NR6A1: variants seen among roughly 807,000 people sequenced by gnomAD.
NR6A1 encodes the protein nuclear receptor subfamily 6 group A member 1.
NR6A1 carries 7 observed loss-of-function variants against 59.1 expected under a neutral mutation model. The observed-to-expected ratio is 0.12, with a 90% CI of 0.07 to 0.22. The LOEUF (loss-of-function observed/expected upper bound fraction) is 0.22, where lower values mean the gene tolerates loss of function less well. NR6A1 is among the 10% of genes least tolerant of loss of function. NR6A1 has a pLI of 1.00. For synonymous variants in NR6A1, 243 were observed against 236.1 expected (o/e 1.03, Z -0.27); for missense variants, 468 against 611.6 (o/e 0.77, Z 2.48).
intron 2 of NR6A1, among the ~76,000 whole-genome samples, chr9:124,722,682 T>G (rs1222683843): frequency 2.0e-5 from 3 of 152,152 alleles, no homozygotes; most frequent in African/African-American, 7.2e-5. Flanking sequence ...CTCTCCTTGG[T>G]GGGCATCTAC....
intron 2 of NR6A1, among the ~76,000 whole-genome samples, chr9:124,672,523 G>C (rs545343243): frequency 2.0e-5 from 3 of 152,150 alleles, no homozygotes; most frequent in African/African-American, 7.2e-5. Flanking sequence ...GCTGAGGCAG[G>C]AGAATCGCTT....
chr9:124,557,603 T>C (rs1833966062), intron 2 of NR6A1, among the ~76,000 whole-genome samples: 1 of 152,156 alleles, frequency 6.6e-6, no homozygotes, highest in African/African-American at 2.4e-5. Flanking sequence ...AAGCTCAAGG[T>C]AAACACTACA....
Position 124,590,920 on chromosome 9 carries a change from C to T in NR6A1, c.143-36350G>A, listed in dbSNP as rs1014824289. ...TAAAGCCCATCCCCCTCTCCATTTT[C>T]TTCCAATCAACAGAACTGTAAAAGA... On this transcript the variant is annotated intron_variant, in intron 2 of 9. Coordinates refer to ENST00000487099, the MANE Select transcript of NR6A1 (RefSeq NM_033334.4). Among the ~76,000 whole-genome samples, 3 of 152,196 alleles carry T rather than the reference C, an allele frequency of 2.0e-5. No individual in the cohort carries two copies. The East Asian group carries it at 5.8e-4, about 29-fold the overall frequency.
intron 1 of NR6A1, among the ~76,000 whole-genome samples, chr9:124,768,675 T>C (rs1010894719): frequency 3.9e-5 from 6 of 152,224 alleles, no homozygotes; most frequent in Non-Finnish European, 8.8e-5. Flanking sequence ...TTCAAATGGT[T>C]CTGACCAATT....
chr9:124,535,785 G>A (rs1833243905), intron 7 of NR6A1, 93 bp downstream of exon 7: 2 of 1,472,736 alleles, frequency 1.4e-6, no homozygotes, highest in Non-Finnish European at 9.3e-7. Flanking sequence ...ATGAGGTGTA[G>A]TGCCTATCCT....
At chr9:124,559,714 T>G (rs1245733338) in intron 2 of NR6A1, among the ~76,000 whole-genome samples, 2 of 152,072 alleles carry the variant, frequency 1.3e-5, no homozygotes, top group African/African-American at 2.4e-5. Flanking sequence ...AACACAGAGG[T>G]TGCAGTGAGC....
intron 2 of NR6A1, among the ~76,000 whole-genome samples, chr9:124,689,421 A>G (rs1838452215): frequency 6.7e-6 from 1 of 150,300 alleles, no homozygotes; most frequent in Non-Finnish European, 1.5e-5. Context: ...AGGGAAAAAA[A>G]GCAAGAAGGC....
intron 6 of NR6A1, among the ~76,000 whole-genome samples, chr9:124,537,456 A>G (rs936896421): frequency 2.0e-5 from 3 of 152,120 alleles, no homozygotes; most frequent in African/African-American, 7.2e-5. Flanking sequence ...TCCTCTTCTG[A>G]AACTGGAGAC....
At chr9:124,711,302 CT>C (rs144830432) in intron 2 of NR6A1, among the ~76,000 whole-genome samples, 5,594 of 147,966 alleles carry the variant, frequency 0.038, 329 homozygotes, top group African/African-American at 0.13. Context: ...CAAACATTAT[CT>C]TAATTTTCAC....
chr9:124,712,693 C>G (rs555705833), intron 2 of NR6A1, among the ~76,000 whole-genome samples: 1 of 152,022 alleles, frequency 6.6e-6, no homozygotes, highest in Admixed American at 6.5e-5. Context: ...TCACAAAAAT[C>G]CATTAACAAA....
chr9:124,542,617 T>C (rs1329678343), intron 4 of NR6A1, among the ~76,000 whole-genome samples: 1 of 152,202 alleles, frequency 6.6e-6, no homozygotes, highest in Non-Finnish European at 1.5e-5. Flanking sequence ...TCACAAACCA[T>C]TTCTACCTGC....
rs545347877 is a variant in NR6A1 at position 124,680,251 on chromosome 9, T to G, written c.142+53057A>C. Among the ~76,000 whole-genome samples the G allele has an allele frequency of 2.0e-5, 3 of 152,294 alleles. No homozygotes were observed. The South Asian group carries it at 6.2e-4, about 32-fold the overall frequency. On this transcript the variant is annotated intron_variant, in intron 2 of 9. Transcript: ENST00000487099. ...ACTATTAACCTCTGCATCTGGACAC[T>G]GTTTGGCATGCTGTATAACTGCTCA...
intron 2 of NR6A1, among the ~76,000 whole-genome samples, chr9:124,557,369 G>A (rs1262548147): frequency 6.6e-6 from 1 of 152,000 alleles, no homozygotes; most frequent in Non-Finnish European, 1.5e-5. Context: ...TCCTGACCTC[G>A]TGATCCACCC....
intron 2 of NR6A1, among the ~76,000 whole-genome samples, chr9:124,584,660 G>T (rs547893816): frequency 6.6e-6 from 1 of 152,266 alleles, no homozygotes; most frequent in East Asian, 1.9e-4. Flanking sequence ...ATCGAAAAAT[G>T]TTGTATGTGT....
rs564109074 is a variant in NR6A1 at position 124,646,889 on chromosome 9, A to T, written c.142+86419T>A. ...AAATTGAATTAACAATTAATAACTTACCAAAACAAAAAGTTGTGGGTGTGG... is the reference window on the plus strand; with the variant it reads ...AAATTGAATTAACAATTAATAACTTTCCAAAACAAAAAGTTGTGGGTGTGG... On this transcript the variant is annotated intron_variant, in intron 2 of 9. Transcript: ENST00000487099. 5.9e-4 allele frequency among the ~76,000 whole-genome samples: 90 copies of T among 152,340 alleles called. 1 individual carries two copies. In the South Asian group the frequency reaches 0.018, roughly 31 times the overall value.
chr9:124,636,986 G>GAAAT (rs1836627416), intron 2 of NR6A1, among the ~76,000 whole-genome samples: 2 of 152,088 alleles, frequency 1.3e-5, no homozygotes, highest in African/African-American at 4.8e-5. Context: ...AATCTGGAGG[G>GAAAT]AGACAGATCA....
intron 2 of NR6A1, among the ~76,000 whole-genome samples, chr9:124,602,281 C>T (rs981492306): frequency 3.9e-5 from 6 of 152,130 alleles, no homozygotes; most frequent in African/African-American, 7.2e-5. Context: ...TAAATATAAA[C>T]GCAGTCAACT....
In NR6A1 at chr9:124,581,351, T is replaced by C. The variant is rs1336294253; in HGVS notation, c.143-26781A>G. On this transcript the variant is annotated intron_variant, in intron 2 of 9. Coordinates refer to ENST00000487099, the MANE Select transcript of NR6A1 (RefSeq NM_033334.4). ...GGCTCACGCTTGTAATCCCAGCACT[T>C]TGGTAGGCCGAGGCAGGCGGATCAC... Among the ~76,000 whole-genome samples the C allele has an allele frequency of 3.3e-5, 5 of 152,124 alleles. No homozygotes were observed. In the East Asian group the frequency reaches 5.8e-4, roughly 18 times the overall value.
chr9:124,665,292 C>A (rs1297371076), intron 2 of NR6A1, among the ~76,000 whole-genome samples: 1 of 152,006 alleles, frequency 6.6e-6, no homozygotes, highest in Admixed American at 6.6e-5. Flanking sequence ...TGAAGTCAAA[C>A]TAACATAATT....
Sources: allele counts gnomAD v4.1 joint callset (sites outside exome capture counted in the v4.1 genomes callset), GRCh38; gene constraint gnomAD v4.1.1; transcripts MANE v1.5; gene names NCBI Gene and HGNC (gene_info 2026-07-23, HGNC 2026-07-21).